Variants in RGS13 observed in about 807,000 individuals in gnomAD.
The protein encoded by RGS13 is regulator of G-protein signalling 13.
A neutral mutation model predicts 19.9 loss-of-function variants in RGS13; 14 were observed. The ratio of observed to expected loss-of-function variants is 0.70; its 90% CI spans 0.46 to 1.10. The LOEUF (loss-of-function observed/expected upper bound fraction) is 1.10, where lower values mean the gene tolerates loss of function less well. Ranked by LOEUF, RGS13 falls within the 50% of genes least tolerant of loss-of-function variation. RGS13 has a pLI of 0.00. For missense variants in RGS13, 205 were observed against 187.1 expected (o/e 1.10, Z -0.56); for synonymous variants, 60 against 56.8 (o/e 1.06, Z -0.25).
chr1:192,644,382 T>C lies in RGS13; in HGVS notation c.48T>C (p.Ser16=), dbSNP rs527561722. The change falls in exon 4 of 7, where the codon TCT becomes TCC. Residue 16 remains serine, a synonymous_variant. Coordinates refer to ENST00000391995, the MANE Select transcript of RGS13 (RefSeq NM_002927.5). The part of the protein sequence containing the change: ...CWICKMCRDE[S]KRPPSNLTLE... ...TTTGTAAGATGTGCAGAGATGAATC[T>C]AAGAGGCCCCCTTCAAAGTAAGTAG... 2 of 1,611,598 alleles carry C rather than the reference T, an allele frequency of 1.2e-6. No homozygotes were observed. Among genetic ancestry groups the C allele is most frequent in the African/African-American group, 2.7e-5 (2 of 74,992 alleles).
chr1:192,651,877 G>A (rs1420331007), intron 5 of RGS13, among the ~76,000 whole-genome samples: 1 of 152,060 alleles, frequency 6.6e-6, no homozygotes. Flanking sequence ...AGTTTCTGCA[G>A]ATTTAGAGAA....
chr1:192,644,030 T>A (rs555801204), intron 3 of RGS13, among the ~76,000 whole-genome samples: 7 of 152,290 alleles, frequency 4.6e-5, no homozygotes, highest in Admixed American at 1.3e-4. Context: ...CGGTAAGTTC[T>A]AAATGAAAAG....
chr1:192,650,113 G>A (rs1194464634), intron 5 of RGS13, among the ~76,000 whole-genome samples: 5 of 152,080 alleles, frequency 3.3e-5, no homozygotes, highest in Admixed American at 6.6e-5. Flanking sequence ...AGTCCTGGAA[G>A]CCTTATTAAA....
intron 5 of RGS13, among the ~76,000 whole-genome samples, chr1:192,653,022 G>A (rs76576020): frequency 0.038 from 5,755 of 152,094 alleles, 411 homozygotes; most frequent in African/African-American, 0.13. Flanking sequence ...ATTGAAAGCA[G>A]GATCAGATAG....
In RGS13 at chr1:192,654,284, C is replaced by A. The variant is rs528778532; in HGVS notation, c.128-3917C>A. ...ATGGAATATTTTCCTCTGAAGACAA[C>A]AATATATTTACACATTTTATTTTCA... On this transcript the variant is annotated intron_variant, in intron 5 of 6. Coordinates refer to ENST00000391995, the MANE Select transcript of RGS13 (RefSeq NM_002927.5). Among the ~76,000 whole-genome samples, 17 of 150,666 alleles carry A rather than the reference C, an allele frequency of 1.1e-4. No homozygotes were observed. The East Asian group carries it at 3.3e-3, about 29-fold the overall frequency.
chr1:192,637,945 T>G (rs1346932544), intron 2 of RGS13, among the ~76,000 whole-genome samples: 1 of 152,078 alleles, frequency 6.6e-6, no homozygotes, highest in Non-Finnish European at 1.5e-5. Flanking sequence ...ATTCCCTTTA[T>G]GGAATTACCA....
chr1:192,656,283 A>G (rs1028412056), intron 5 of RGS13, among the ~76,000 whole-genome samples: 47 of 152,014 alleles, frequency 3.1e-4, no homozygotes, highest in African/African-American at 1.1e-3. Flanking sequence ...ATAGCTAAGT[A>G]CAAACCATAT....
intron 3 of RGS13, among the ~76,000 whole-genome samples, chr1:192,643,900 C>T (rs1663169451): frequency 6.6e-6 from 1 of 152,030 alleles, no homozygotes; most frequent in Non-Finnish European, 1.5e-5. Flanking sequence ...CTGCAGTGAG[C>T]CATGATCATG....
intron 3 of RGS13, among the ~76,000 whole-genome samples, chr1:192,641,308 A>AAG (rs1223249668): frequency 1.2e-4 from 17 of 136,630 alleles, no homozygotes; most frequent in Admixed American, 5.7e-4. Context: ...GAAAGAAAGA[A>AAG]AAGAAAGAAA....
rs1384456791 is a variant in RGS13 at position 192,660,210 on chromosome 1, A to C, written c.*687A>C. Reference sequence around the variant, plus strand: ...TATTTTGAGATGTTTTTTCCTTACAATGTGAACTCATCGTGATCTTGGAAA... The same window carrying C: ...TATTTTGAGATGTTTTTTCCTTACACTGTGAACTCATCGTGATCTTGGAAA... On this transcript the variant is annotated 3_prime_UTR_variant, in exon 7 of 7. Transcript: ENST00000391995. The C allele has an allele frequency of 6.6e-6, 1 of 152,100 alleles. No individual in the cohort carries two copies. Among genetic ancestry groups the C allele is most frequent in the Non-Finnish European group, 1.5e-5 (1 of 67,970 alleles). The allele number at this position is 152,100 out of a possible 1,614,324, so 9.4% of individuals were successfully genotyped here. A position where few individuals can be genotyped will look rare whatever the true frequency, so the allele number is the denominator to read the frequency against.
chr1:192,650,295 C>G (rs984206472), intron 5 of RGS13, among the ~76,000 whole-genome samples: 1 of 152,040 alleles, frequency 6.6e-6, no homozygotes, highest in Non-Finnish European at 1.5e-5. Context: ...GGGTAAGAGC[C>G]TTTCCAGAAA....
chr1:192,641,380 AG>A (rs1663120276), intron 3 of RGS13, among the ~76,000 whole-genome samples: 1 of 151,862 alleles, frequency 6.6e-6, no homozygotes, highest in African/African-American at 2.4e-5. Context: ...GGAGGGAGGA[AG>A]GGAAAGAGGA....
At chr1:192,641,218 AAG>A (rs1156903955) in intron 3 of RGS13, among the ~76,000 whole-genome samples, 44 of 60,040 alleles carry the variant, frequency 7.3e-4, no homozygotes, top group Non-Finnish European at 1.1e-3. Context: ...GAAAGAAAGA[AAG>A]AGAGAAAGAA....
chr1:192,647,599 A>C (rs553190254), intron 4 of RGS13: 1 of 156,088 alleles, frequency 6.4e-6, no homozygotes, highest in East Asian at 1.8e-4. Flanking sequence ...AAATACAAAC[A>C]TAACAAAAAG....
At chr1:192,655,855 A>G (rs1663428409) in intron 5 of RGS13, among the ~76,000 whole-genome samples, 1 of 152,082 alleles carries the variant, frequency 6.6e-6, no homozygotes, top group African/African-American at 2.4e-5. Context: ...ATGGAAACAG[A>G]TCGTGAAGAC....
chr1:192,652,990 C>A (rs953918209), intron 5 of RGS13, among the ~76,000 whole-genome samples: 1 of 151,936 alleles, frequency 6.6e-6, no homozygotes, highest in African/African-American at 2.4e-5. Context: ...AAAGATTTTT[C>A]TCTAATAAAA....
chr1:192,640,060 G>A (rs1022987530), intron 3 of RGS13, among the ~76,000 whole-genome samples: 19 of 152,020 alleles, frequency 1.2e-4, no homozygotes, highest in African/African-American at 4.3e-4. Flanking sequence ...GAAGACAGTG[G>A]GACAGAAAAA....
intron 4 of RGS13, chr1:192,644,850 T>G (rs1351980715): frequency 6.5e-6 from 1 of 154,354 alleles, no homozygotes; most frequent in Middle Eastern, 3.1e-3. Context: ...TGTTGCCATT[T>G]GGATGAGAAC....
chr1:192,655,837 A>T (rs1434255202), intron 5 of RGS13, among the ~76,000 whole-genome samples: 2 of 152,084 alleles, frequency 1.3e-5, no homozygotes, highest in Admixed American at 1.3e-4. Context: ...GTGTGGAGAG[A>T]TAGATAGATG....
Sources: gnomAD v4.1 joint callset for allele counts (sites outside exome capture counted in the v4.1 genomes callset) on GRCh38, gnomAD v4.1.1 for gene constraint, MANE v1.5 for transcripts, NCBI Gene and HGNC (gene_info 2026-07-23, HGNC 2026-07-21) for gene names.